TTC28: variants seen among roughly 807,000 people sequenced by gnomAD.
TTC28 encodes tetratricopeptide repeat domain 28, also known as tetratricopeptide repeat protein 28.
In TTC28, 61 loss-of-function variants were observed where a neutral mutation model predicts 198.0. The ratio of observed to expected loss-of-function variants is 0.31; its 90% CI spans 0.25 to 0.38. The LOEUF is 0.38. Ranked by LOEUF, TTC28 falls within the 10% of genes least tolerant of loss-of-function variation. TTC28 has a pLI of 1.00. For synonymous variants in TTC28, 1,171 were observed against 1,297.8 expected, an observed-to-expected ratio of 0.90 and a Z score of 2.10; for missense variants, 2,678 against 3,164.0, an observed-to-expected ratio of 0.85 and a Z score of 3.69.
chr22:28,632,966 GA>G (rs111559281), intron 1 of TTC28, among the ~76,000 whole-genome samples: 20,917 of 143,218 alleles, frequency 0.15, 1,719 homozygotes, highest in African/African-American at 0.22. Flanking sequence ...CTCTATTTTA[GA>G]AAAAAAAAAA....
chr22:28,604,926 A>G (rs1397851217), intron 2 of TTC28, among the ~76,000 whole-genome samples: 1 of 152,194 alleles, frequency 6.6e-6, no homozygotes, highest in Non-Finnish European at 1.5e-5. Flanking sequence ...CTCTCACTTC[A>G]TTTTAAAAAA....
intron 1 of TTC28, among the ~76,000 whole-genome samples, chr22:28,654,981 T>C (rs1198162850): frequency 2.0e-5 from 3 of 152,244 alleles, no homozygotes; most frequent in Non-Finnish European, 4.4e-5. Context: ...ACTATATTCT[T>C]TAGCTTTTTA....
intron 2 of TTC28, among the ~76,000 whole-genome samples, chr22:28,407,448 A>G (rs2047014866): frequency 6.7e-6 from 1 of 149,302 alleles, no homozygotes; most frequent in Admixed American, 6.8e-5. Context: ...TGTTACACAT[A>G]CACATATACA....
At chr22:28,205,460 G>A (rs1926324009) in intron 5 of TTC28, among the ~76,000 whole-genome samples, 1 of 151,898 alleles carries the variant, frequency 6.6e-6, no homozygotes, top group Admixed American at 6.6e-5. Context: ...TCTGCCAACT[G>A]CCCATACTCC....
chr22:28,064,501 G>A (rs965484607), intron 12 of TTC28, among the ~76,000 whole-genome samples: 1 of 152,116 alleles, frequency 6.6e-6, no homozygotes, highest in Non-Finnish European at 1.5e-5. Context: ...CTGGACAGAA[G>A]AGCGCGGAAA....
At position 28,167,879 on chromosome 22, in the gene TTC28, T is replaced by G. The variant is rs570201439; in HGVS notation, c.934-4280A>C. Among the ~76,000 whole-genome samples, 9 of 152,308 alleles carry G rather than the reference T, an allele frequency of 5.9e-5. No homozygotes were observed. In the East Asian group the frequency reaches 7.7e-4, roughly 13 times the overall value. The stretch of plus-strand genomic sequence containing the variant: ...TCAATTAGGAAAAGAGGAAGTCAAA[T>G]TGTCCCTGTTTGCAGATGACATGAT... On this transcript the variant is annotated intron_variant, in intron 5 of 22. Transcript: ENST00000397906.
intron 5 of TTC28, among the ~76,000 whole-genome samples, chr22:28,268,682 T>C (rs1931842584): frequency 6.6e-6 from 1 of 152,208 alleles, no homozygotes; most frequent in South Asian, 2.1e-4. Flanking sequence ...ATCTTCACCA[T>C]ACCTTCATGT....
chr22:28,358,291 T>C (rs1050033243), intron 2 of TTC28, among the ~76,000 whole-genome samples: 2 of 152,214 alleles, frequency 1.3e-5, no homozygotes, highest in Admixed American at 6.5e-5. Flanking sequence ...AACTGAATGT[T>C]AGATCCAAAT....
intron 12 of TTC28, among the ~76,000 whole-genome samples, chr22:28,058,819 T>C (rs1277154681): frequency 6.6e-6 from 1 of 152,022 alleles, no homozygotes; most frequent in Non-Finnish European, 1.5e-5. Context: ...TAATCTAGTA[T>C]TAGTTTTGGT....
At chr22:28,410,941 C>A (rs1316629676) in intron 2 of TTC28, among the ~76,000 whole-genome samples, 1 of 151,774 alleles carries the variant, frequency 6.6e-6, no homozygotes, top group African/African-American at 2.4e-5. Context: ...ATAATTCTTA[C>A]CTTGGATGAA....
chr22:28,567,562 G>A (rs1409301236), intron 2 of TTC28, among the ~76,000 whole-genome samples: 4 of 127,206 alleles, frequency 3.1e-5, no homozygotes, highest in African/African-American at 1.2e-4. Context: ...TGAAAAAAAG[G>A]CAACCAAGGC....
At chr22:28,508,981 A>T (rs1413923458) in intron 2 of TTC28, among the ~76,000 whole-genome samples, 1 of 152,064 alleles carries the variant, frequency 6.6e-6, no homozygotes, top group African/African-American at 2.4e-5. Context: ...ACTTAAAGCC[A>T]GGAGTTCGAG....
At chr22:28,247,792 CT>C (rs1333453570) in intron 5 of TTC28, among the ~76,000 whole-genome samples, 1 of 152,098 alleles carries the variant, frequency 6.6e-6, no homozygotes, top group Non-Finnish European at 1.5e-5. Context: ...ATGTGGAGAA[CT>C]AAAAGCAGTT....
chr22:28,019,682 G>A (rs1016215941), intron 13 of TTC28, among the ~76,000 whole-genome samples: 2 of 152,346 alleles, frequency 1.3e-5, no homozygotes, highest in Non-Finnish European at 2.9e-5. Context: ...CAGAGGGCCG[G>A]GGGCTCCTCA....
At position 28,586,289 on chromosome 22, in the gene TTC28, A is replaced by C. The variant is rs890390716; in HGVS notation, c.381+43263T>G. 2.6e-5 allele frequency among the ~76,000 whole-genome samples: 4 copies of C among 152,134 alleles called. No homozygotes were observed. The South Asian group carries it at 8.3e-4, about 32-fold the overall frequency. On this transcript the variant is annotated intron_variant, in intron 2 of 22. Coordinates refer to ENST00000397906, the MANE Select transcript of TTC28 (RefSeq NM_001145418.2). ...GCGAGACTCCGTCTCAAAAAAAAAAAAAAGAAAGAAAGTAGTAAGAAAGAT... is the reference window on the plus strand; with the variant it reads ...GCGAGACTCCGTCTCAAAAAAAAAACAAAGAAAGAAAGTAGTAAGAAAGAT...
intron 2 of TTC28, among the ~76,000 whole-genome samples, chr22:28,337,664 C>T (rs1022979507): frequency 2.0e-5 from 3 of 152,038 alleles, no homozygotes; most frequent in South Asian, 2.1e-4. Context: ...GATTGCAACA[C>T]CTGCCTTTTT....
At chr22:28,634,530 G>A (rs773314012) in intron 1 of TTC28, among the ~76,000 whole-genome samples, 8 of 149,566 alleles carry the variant, frequency 5.3e-5, no homozygotes, top group Non-Finnish European at 8.9e-5. Flanking sequence ...AAAAAGAAAC[G>A]GAAATTTCTA....
chr22:28,563,207 G>A (rs986312422), intron 2 of TTC28, among the ~76,000 whole-genome samples: 1 of 152,032 alleles, frequency 6.6e-6, no homozygotes, highest in Non-Finnish European at 1.5e-5. Flanking sequence ...TTTTTTTAAA[G>A]TTTTTTGCTC....
At chr22:28,374,752 G>A (rs1366501886) in intron 2 of TTC28, among the ~76,000 whole-genome samples, 1 of 152,152 alleles carries the variant, frequency 6.6e-6, no homozygotes, top group Non-Finnish European at 1.5e-5. Flanking sequence ...CACGATCTCG[G>A]CTCACTGCAA....
Sources: allele counts gnomAD v4.1 joint callset (sites outside exome capture counted in the v4.1 genomes callset), GRCh38; gene constraint gnomAD v4.1.1; transcripts MANE v1.5; gene names NCBI Gene and HGNC (gene_info 2026-07-23, HGNC 2026-07-21).